Variants in FBN2 observed in about 807,000 individuals in gnomAD.
The protein encoded by FBN2 is fibrillin-2.
Under a neutral mutation model 355.6 loss-of-function variants are expected in FBN2, and 105 were observed. The observed-to-expected ratio is 0.30, with a 90% CI of 0.25 to 0.35. The LOEUF (loss-of-function observed/expected upper bound fraction) is 0.35, where lower values mean the gene tolerates loss of function less well. Ranked by LOEUF, FBN2 falls within the 10% of genes least tolerant of loss-of-function variation. The pLI is 1.00. For missense variants in FBN2, 3,280 were observed against 3,758.7 expected, an observed-to-expected ratio of 0.87 and a Z score of 3.33; for synonymous variants, 1,350 against 1,301.2, an observed-to-expected ratio of 1.04 and a Z score of -0.81.
intron 7 of FBN2, among the ~76,000 whole-genome samples, chr5:128,432,075 T>C (rs1254269524): frequency 6.6e-6 from 1 of 152,190 alleles, no homozygotes. Flanking sequence ...CATTTAAAAC[T>C]TCACCTCCAT....
At chr5:128,389,232 C>T (rs1212289370) in intron 11 of FBN2, among the ~76,000 whole-genome samples, 1 of 152,150 alleles carries the variant, frequency 6.6e-6, no homozygotes, top group Non-Finnish European at 1.5e-5. Flanking sequence ...GGTGATGAGG[C>T]CTATGTGCAT....
At chr5:128,498,650 G>A (rs1419908420) in intron 5 of FBN2, among the ~76,000 whole-genome samples, 1 of 152,138 alleles carries the variant, frequency 6.6e-6, no homozygotes, top group Admixed American at 6.5e-5. Flanking sequence ...TAGCTTTGTA[G>A]AGTCATAAAC....
intron 17 of FBN2, 93 bp from the exon 18 acceptor site, chr5:128,364,818 G>T: frequency 9.2e-7 from 1 of 1,091,282 alleles, no homozygotes; most frequent in Non-Finnish European, 1.4e-6. Flanking sequence ...AACATATGAA[G>T]TGTTTAACTC....
chr5:128,325,259 C>CT (rs1267253103), intron 34 of FBN2, among the ~76,000 whole-genome samples: 1 of 152,144 alleles, frequency 6.6e-6, no homozygotes, highest in Non-Finnish European at 1.5e-5. Flanking sequence ...TTGTAGGTCT[C>CT]TAAGAACTTG....
Position 128,444,197 on chromosome 5 carries a change from C to A in FBN2, c.952+2284G>T, listed in dbSNP as rs182958296. ...ACGCCATTCTCCTGCCTCAGCCTCC[C>A]GAGTAGCTGGGACTACAGGCGCCCG... On this transcript the variant is annotated intron_variant, in intron 7 of 64. Coordinates refer to ENST00000262464, the MANE Select transcript of FBN2 (RefSeq NM_001999.4). 3.3e-3 allele frequency among the ~76,000 whole-genome samples: 507 copies of A among 151,560 alleles called. 1 individual carries two copies. Among genetic ancestry groups the A allele is most frequent in the Middle Eastern group, 0.024 (7 of 292 alleles).
intron 6 of FBN2, among the ~76,000 whole-genome samples, chr5:128,458,321 G>A (rs531211966): frequency 6.6e-6 from 1 of 151,890 alleles, no homozygotes; most frequent in African/African-American, 2.4e-5. Flanking sequence ...AGTTATTAGA[G>A]GCCTATAAAG....
At chr5:128,338,445 G>A (rs1055024489) in intron 26 of FBN2, among the ~76,000 whole-genome samples, 1 of 152,086 alleles carries the variant, frequency 6.6e-6, no homozygotes, top group Non-Finnish European at 1.5e-5. Context: ...TGTCTGTAAC[G>A]CTAATCAGGG....
At chr5:128,389,074 T>A (rs1248394994) in intron 11 of FBN2, among the ~76,000 whole-genome samples, 1 of 152,246 alleles carries the variant, frequency 6.6e-6, no homozygotes, top group Non-Finnish European at 1.5e-5. Flanking sequence ...TGAGTTGATT[T>A]AAAGAACAGT....
At chr5:128,480,029 T>C (rs5001295) in intron 5 of FBN2, among the ~76,000 whole-genome samples, 3,787 of 102,202 alleles carry the variant, frequency 0.037, 195 homozygotes, top group African/African-American at 0.041. Flanking sequence ...TATATGTATA[T>C]ACACACACAC....
At chr5:128,290,644 T>C in intron 50 of FBN2, 88 bp downstream of exon 50, 1 of 1,327,396 alleles carries the variant, frequency 7.5e-7, no homozygotes. Flanking sequence ...ACTCTCAAAA[T>C]ATTCTTAAAT....
rs886039206 is a variant in FBN2 at position 128,288,508 on chromosome 5, G to A, written c.6687C>T (p.Thr2229=). ...TGCATTCAAAACTCCCAATAACATT[G>A]GTGCATGTACCATTTCCACACGGAT... ...IGNPCGNGTC[T]NVIGSFECNC... is the part of the protein sequence containing the mutation. Residue 2229 remains threonine, a synonymous_variant, in exon 53 of 65, where the codon ACC becomes ACT. Coordinates refer to ENST00000262464, the MANE Select transcript of FBN2 (RefSeq NM_001999.4). 6 of 1,613,670 alleles carry A rather than the reference G, an allele frequency of 3.7e-6. No individual in the cohort carries two copies. In the African/African-American group the frequency reaches 6.7e-5, roughly 18 times the overall value.
rs367899190 is a variant in FBN2 at position 128,493,259 on chromosome 5, C to A, written c.628+26014G>T. On this transcript the variant is annotated intron_variant, in intron 5 of 64. Coordinates refer to ENST00000262464, the MANE Select transcript of FBN2 (RefSeq NM_001999.4). ...GTGGGAAATCCAGGCAGCGATGGCA[C>A]CAAGTACAAAGCTATGGGGTGAAAA... Among the ~76,000 whole-genome samples the A allele has an allele frequency of 4.5e-4, 68 of 152,138 alleles. No individual in the cohort carries two copies. The East Asian group carries it at 0.011, about 24-fold the overall frequency.
chr5:128,304,799 T>C (rs914697732), intron 45 of FBN2, among the ~76,000 whole-genome samples, 158 bp downstream of exon 45: 2 of 152,082 alleles, frequency 1.3e-5, no homozygotes, highest in African/African-American at 2.4e-5. Context: ...CTTGCAAATT[T>C]TATATTGAAT....
At chr5:128,261,094 TGA>T (rs967080900) in intron 64 of FBN2, among the ~76,000 whole-genome samples, 1 of 152,092 alleles carries the variant, frequency 6.6e-6, no homozygotes, top group African/African-American at 2.4e-5. Context: ...AAACTGAGGT[TGA>T]GAGAAGTTAA....
intron 18 of FBN2, among the ~76,000 whole-genome samples, chr5:128,364,284 A>G (rs776504725): frequency 2.0e-5 from 3 of 152,136 alleles, no homozygotes; most frequent in Admixed American, 1.3e-4. Context: ...ATCCATACTG[A>G]CCTGTTAATT....
intron 48 of FBN2, among the ~76,000 whole-genome samples, chr5:128,296,673 C>A (rs901279644): frequency 3.9e-5 from 6 of 152,154 alleles, no homozygotes; most frequent in African/African-American, 1.4e-4. Flanking sequence ...TCTGTGGGAT[C>A]GATGGTGATA....
Position 128,537,348 on chromosome 5 carries a change from AC to A in FBN2, c.254+1del. 6.2e-7 allele frequency: 1 copy of A among 1,609,794 alleles called. No homozygotes were observed. The highest frequency in any genetic ancestry group is 8.5e-7 in the Non-Finnish European group (1 of 1,179,730). On this transcript the variant is annotated splice_donor_variant, in intron 1 of 64. Coordinates refer to ENST00000262464, the MANE Select transcript of FBN2 (RefSeq NM_001999.4). LOFTEE classifies it high-confidence loss of function. ...TAGGTGCGGAGCCGCTTGCCCACTTACCCTCGGAGCACGTCCTGCTGTCCTC... is the reference window on the plus strand; with the variant it reads ...TAGGTGCGGAGCCGCTTGCCCACTTACCTCGGAGCACGTCCTGCTGTCCTC...
intron 7 of FBN2, among the ~76,000 whole-genome samples, chr5:128,418,905 G>C (rs1212192800): frequency 6.6e-6 from 1 of 151,982 alleles, no homozygotes; most frequent in Non-Finnish European, 1.5e-5. Flanking sequence ...TTTTTGACAG[G>C]GATTGTGTTG....
chr5:128,349,533 G>A, intron 22 of FBN2, 61 bp from the exon 23 acceptor site: 1 of 1,571,274 alleles, frequency 6.4e-7, no homozygotes, highest in Non-Finnish European at 8.7e-7. Context: ...AGCAGGTGTG[G>A]TCCTACTTCC....
Sources: allele counts gnomAD v4.1 joint callset (sites outside exome capture counted in the v4.1 genomes callset), GRCh38; gene constraint gnomAD v4.1.1; transcripts MANE v1.5; gene names NCBI Gene and HGNC (gene_info 2026-07-23, HGNC 2026-07-21).